ADAMTS14: variants seen among roughly 807,000 people sequenced by gnomAD.
ADAMTS14 encodes ADAM metallopeptidase with thrombospondin type 1 motif 14, also known as A disintegrin and metalloproteinase with thrombospondin motifs 14.
In ADAMTS14, 100 loss-of-function variants were observed where a neutral mutation model predicts 128.6. The observed-to-expected ratio is 0.78, with a 90% CI of 0.66 to 0.92. The LOEUF (loss-of-function observed/expected upper bound fraction) is 0.92. Among genes scored for constraint, ADAMTS14 ranks in the 40% least tolerant of loss-of-function variants. The pLI is 0.00. For missense variants in ADAMTS14, 1,562 were observed against 1,658.6 expected, an observed-to-expected ratio of 0.94 and a Z score of 1.01; for synonymous variants, 665 against 653.8, an observed-to-expected ratio of 1.02 and a Z score of -0.26.
chr10:70,734,123 C>T (rs1217093516), intron 8 of ADAMTS14, 95 bp downstream of exon 8: 17 of 1,496,826 alleles, frequency 1.1e-5, no homozygotes, highest in Non-Finnish European at 1.4e-5. Flanking sequence ...CCCACGTTGC[C>T]CCTGGCTTGA....
chr10:70,700,145 A>G (rs1434203051), intron 2 of ADAMTS14, among the ~76,000 whole-genome samples: 2 of 152,036 alleles, frequency 1.3e-5, no homozygotes, highest in Non-Finnish European at 2.9e-5. Context: ...ACCAGCTGGA[A>G]GACAGGCCTC....
At chr10:70,684,848 C>T (rs1287895141) in intron 2 of ADAMTS14, among the ~76,000 whole-genome samples, 1 of 104,034 alleles carries the variant, frequency 9.6e-6, no homozygotes, top group Non-Finnish European at 2.5e-5. Context: ...GGGCCTGGGT[C>T]CTGGGTCCTG....
At chr10:70,745,125 A>G in intron 14 of ADAMTS14, 101 bp from the exon 15 acceptor site, 1 of 1,064,160 alleles carries the variant, frequency 9.4e-7, no homozygotes, top group Non-Finnish European at 1.4e-6. Context: ...TCTGTGATCA[A>G]ATGAGATGTT....
intron 19 of ADAMTS14, among the ~76,000 whole-genome samples, chr10:70,754,213 C>T (rs917777096): frequency 1.3e-5 from 2 of 152,254 alleles, no homozygotes; most frequent in Non-Finnish European, 2.9e-5. Context: ...TGCCAGTAAG[C>T]TTCACACAGT....
At chr10:70,747,987 T>C (rs74142703) in intron 15 of ADAMTS14, among the ~76,000 whole-genome samples, 1,526 of 152,226 alleles carry the variant, frequency 0.01, 24 homozygotes, top group African/African-American at 0.034. Context: ...CTGTCCATTG[T>C]CATTAGACTC....
At chr10:70,758,136 A>G (rs1256545723) in intron 20 of ADAMTS14, 39 bp from the exon 21 acceptor site, 37 of 1,612,774 alleles carry the variant, frequency 2.3e-5, no homozygotes, top group Non-Finnish European at 3.1e-5. Context: ...CCCTTGGGCC[A>G]AAGTCCCAAA....
Position 70,744,087 on chromosome 10 carries a change from G to C in ADAMTS14, c.2080G>C (p.Val694Leu). Reference sequence around the variant, plus strand: ...TCAGCCTGTCGGCTGTGACAAGGAGGTGGGGTCCATGAAGGCGGATGACAA... The same window carrying C: ...TCAGCCTGTCGGCTGTGACAAGGAGCTGGGGTCCATGAAGGCGGATGACAA... ...ECVPVGCDKE[V>L]GSMKADDKCG... The change falls in exon 14 of 22, where the codon GTG becomes CTG. Residue 694 changes from valine (V) to leucine (L), a missense_variant. Val to Leu is a conservative substitution (Grantham distance 32, BLOSUM62 1). Coordinates refer to ENST00000373207, the MANE Select transcript of ADAMTS14 (RefSeq NM_080722.4). 2 of 1,565,064 alleles carry C rather than the reference G, an allele frequency of 1.3e-6. No individual in the cohort carries two copies. The highest frequency in any genetic ancestry group is 1.7e-6 in the Non-Finnish European group (2 of 1,154,890).
Position 70,674,723 on chromosome 10 carries a change from C to T in ADAMTS14, c.250C>T (p.Arg84Trp), listed in dbSNP as rs764571352. 1.5e-5 allele frequency: 25 copies of T among 1,613,346 alleles called. No individual in the cohort carries two copies. Among genetic ancestry groups the T allele is most frequent in the African/African-American group, 2.7e-5 (2 of 74,924 alleles). ...ACTACCACGACACTCCAGTCACCTCCGGGTGGCTCGCAGCCCTCTGCACCC... is the reference window on the plus strand; with the variant it reads ...ACTACCACGACACTCCAGTCACCTCTGGGTGGCTCGCAGCCCTCTGCACCC... The part of the protein sequence containing the change: ...PTLPRHSSHL[R>W]VARSPLHPGG... The change falls in exon 2 of 22, where the codon CGG becomes TGG. Residue 84 changes from arginine to tryptophan, a missense_variant. Arg to Trp is a moderately radical substitution (Grantham distance 101, BLOSUM62 -3). Transcript: ENST00000373207.
chr10:70,688,608 G>A (rs1840065867), intron 2 of ADAMTS14, among the ~76,000 whole-genome samples: 1 of 96,930 alleles, frequency 1.0e-5, no homozygotes, highest in Admixed American at 1.0e-4. Context: ...GACTCCGTCT[G>A]CAATCCCGGC....
At chr10:70,690,316 A>G (rs2132562802) in intron 2 of ADAMTS14, among the ~76,000 whole-genome samples, 1 of 144,584 alleles carries the variant, frequency 6.9e-6, no homozygotes, top group Non-Finnish European at 1.6e-5. Context: ...GGCAGGGTTA[A>G]GGACAGGACC....
chr10:70,737,360 C>T (rs549356893), intron 10 of ADAMTS14, among the ~76,000 whole-genome samples: 39 of 152,344 alleles, frequency 2.6e-4, no homozygotes, highest in East Asian at 1.2e-3. Context: ...GCTCTGCTGC[C>T]GGCCCTGCCC....
At chr10:70,694,011 C>G (rs777552733) in intron 2 of ADAMTS14, among the ~76,000 whole-genome samples, 8 of 152,256 alleles carry the variant, frequency 5.3e-5, no homozygotes, top group Non-Finnish European at 8.8e-5. Context: ...TCCTGCCTGT[C>G]CCCAAGGCTG....
chr10:70,734,523 A>T (rs1841762286), intron 8 of ADAMTS14, among the ~76,000 whole-genome samples: 1 of 152,046 alleles, frequency 6.6e-6, no homozygotes, highest in African/African-American at 2.4e-5. Flanking sequence ...GCCCCAAGGA[A>T]ATGGGCATGC....
At chr10:70,701,515 G>A (rs1392419280) in intron 2 of ADAMTS14, among the ~76,000 whole-genome samples, 1 of 152,206 alleles carries the variant, frequency 6.6e-6, no homozygotes, top group African/African-American at 2.4e-5. Context: ...ATGTGCACGT[G>A]TGCATATGCA....
chr10:70,747,360 G>A (rs80259762), intron 15 of ADAMTS14, among the ~76,000 whole-genome samples: 1,647 of 152,172 alleles, frequency 0.011, 24 homozygotes, highest in African/African-American at 0.038. Flanking sequence ...TCTCAGCCCT[G>A]TTCCCTTGCC....
intron 8 of ADAMTS14, among the ~76,000 whole-genome samples, chr10:70,734,246 T>C (rs1841749788): frequency 6.6e-6 from 1 of 152,172 alleles, no homozygotes; most frequent in African/African-American, 2.4e-5. Flanking sequence ...ACCATTTACA[T>C]AGAATTCTTA....
chr10:70,693,607 A>T (rs1470067511), intron 2 of ADAMTS14, among the ~76,000 whole-genome samples: 2 of 152,232 alleles, frequency 1.3e-5, no homozygotes, highest in Non-Finnish European at 2.9e-5. Flanking sequence ...CCAAGATTAC[A>T]TGATCTGAGA....
chr10:70,744,072 G>A lies in ADAMTS14; in HGVS notation c.2065G>A (p.Gly689Ser), dbSNP rs372610639. The stretch of plus-strand genomic sequence containing the variant: ...ACCTCACCTCTGGCCTCAGCCTGTC[G>A]GCTGTGACAAGGAGGTGGGGTCCAT... ...VCARGECVPV[G>S]CDKEVGSMKA... The change falls in exon 14 of 22, where the codon GGC (glycine) becomes AGC (serine). Residue 689 changes from glycine to serine, a missense_variant. Transcript: ENST00000373207. The A allele has an allele frequency of 1.0e-5, 16 of 1,563,156 alleles. No individual in the cohort carries two copies. Among genetic ancestry groups the A allele is most frequent in the East Asian group, 2.4e-5 (1 of 41,716 alleles).
At chr10:70,693,373 C>A (rs1840244352) in intron 2 of ADAMTS14, among the ~76,000 whole-genome samples, 1 of 152,214 alleles carries the variant, frequency 6.6e-6, no homozygotes, top group African/African-American at 2.4e-5. Flanking sequence ...TCACCCCCAG[C>A]ACTGATCCTG....
Sources: allele counts gnomAD v4.1 joint callset (sites outside exome capture counted in the v4.1 genomes callset), GRCh38; gene constraint gnomAD v4.1.1; transcripts MANE v1.5; gene names NCBI Gene and HGNC (gene_info 2026-07-23, HGNC 2026-07-21).